The following NUP43 variants were observed in gnomAD, a reference collection of about 807,000 sequenced individuals.
NUP43 encodes the protein nucleoporin Nup43.
A neutral mutation model predicts 47.3 loss-of-function variants in NUP43; 32 were observed. The observed-to-expected ratio is 0.68, with a 90% confidence interval of 0.51 to 0.91. NUP43 has a LOEUF of 0.91. Among genes scored for constraint, NUP43 ranks in the 40% least tolerant of loss-of-function variants. The pLI is 0.00. For missense variants in NUP43, 444 were observed against 453.9 expected, an observed-to-expected ratio of 0.98 and a Z score of 0.20; for synonymous variants, 147 against 158.4, an observed-to-expected ratio of 0.93 and a Z score of 0.54.
At chr6:149,727,296 A>T in intron 7 of NUP43, 98 bp from the exon 8 acceptor site, 1 of 1,465,936 alleles carries the variant, frequency 6.8e-7, no homozygotes, top group South Asian at 1.4e-5. Context: ...GATGATATCA[A>T]TGTGTTTAAT....
At position 149,726,414 on chromosome 6, in the gene NUP43, A is replaced by G. The variant is rs1784790489; in HGVS notation, c.*555T>C. Reference sequence around the variant, plus strand: ...TCTGCCTCAAAAAAAAAAAAAAAAAAAAATTGAACACAGCTACACATCTTT... The same window carrying G: ...TCTGCCTCAAAAAAAAAAAAAAAAAGAAATTGAACACAGCTACACATCTTT... On this transcript the variant is annotated 3_prime_UTR_variant, in exon 8 of 8. Coordinates refer to ENST00000340413, the MANE Select transcript of NUP43 (RefSeq NM_198887.3). 1 of 152,772 alleles carries G rather than the reference A, an allele frequency of 6.5e-6. No individual in the cohort carries two copies. Among genetic ancestry groups the G allele is most frequent in the Non-Finnish European group, 1.5e-5 (1 of 68,564 alleles). The allele number at this position is 152,772 out of a possible 1,614,324, so 9.5% of individuals were successfully genotyped here.
intron 4 of NUP43, among the ~76,000 whole-genome samples, chr6:149,741,532 A>T (rs1785654400): frequency 6.6e-6 from 1 of 151,272 alleles, no homozygotes. Flanking sequence ...TTTTAGATGA[A>T]GTCTCTCTCT....
intron 2 of NUP43, among the ~76,000 whole-genome samples, chr6:149,744,517 G>A (rs540793651): frequency 6.7e-4 from 94 of 140,796 alleles, no homozygotes; most frequent in African/African-American, 2.3e-3. Context: ...AGCAAGACTC[G>A]TCATAAAAAA....
intron 6 of NUP43, among the ~76,000 whole-genome samples, chr6:149,733,991 A>C (rs1785191616): frequency 6.6e-6 from 1 of 150,878 alleles, no homozygotes; most frequent in Admixed American, 6.6e-5. Context: ...CGCCCGGCTA[A>C]TTTTGTATTT....
rs1317069038 is a variant in NUP43, at chr6:149,735,667, A to G, written c.790+804T>C. Among the ~76,000 whole-genome samples the G allele has an allele frequency of 5.3e-5, 8 of 150,578 alleles. No homozygotes were observed. In the East Asian group the frequency reaches 7.7e-4, roughly 15 times the overall value. ...AAGGATTCTAACTACAGTTTTGGAT[A>G]TAAGAATTAAACCTGTGGTTGATGT... On this transcript the variant is annotated intron_variant, in intron 6 of 7. Coordinates refer to ENST00000340413, the MANE Select transcript of NUP43 (RefSeq NM_198887.3).
At chr6:149,735,991 A>AC (rs1562378237) in intron 6 of NUP43, among the ~76,000 whole-genome samples, 1 of 150,554 alleles carries the variant, frequency 6.6e-6, no homozygotes, top group African/African-American at 2.4e-5. Flanking sequence ...AAAAAAAAAA[A>AC]AAAAAACCAG....
intron 5 of NUP43, among the ~76,000 whole-genome samples, chr6:149,737,651 G>A (rs1785434534): frequency 6.6e-6 from 1 of 151,832 alleles, no homozygotes. Context: ...ACAGAGTTTT[G>A]TTCTTGTTGC....
Position 149,736,569 on chromosome 6 carries a change from T to C in NUP43, c.692A>G (p.His231Arg), listed in dbSNP as rs1326177954. ...ATCTTGGCCACCAGTAGCTACAACA[T>C]GCTGTTGGTTGGGATGTCTATCAAC... ...HCVDRHPNQQ[H>R]VVATGGQDGM... The change falls in exon 6 of 8, where the codon CAT becomes CGT. Residue 231 changes from histidine (H) to arginine (R), a missense_variant. Physicochemically the swap from His to Arg is conservative, Grantham distance 29. Transcript: ENST00000340413. The C allele has an allele frequency of 6.2e-7, 1 of 1,610,256 alleles. No individual in the cohort carries two copies. Among genetic ancestry groups the C allele is most frequent in the African/African-American group, 1.3e-5 (1 of 74,902 alleles).
Position 149,736,597 on chromosome 6 carries a change from A to G in NUP43, c.664T>C (p.Cys222Arg). ...TGTTGGTTGGGATGTCTATCAACAC[A>G]GTGGAGTGGCACTCGGTCACCAGTC... ...SLTGDRVPLH[C>R]VDRHPNQQHV... Residue 222 changes from cysteine to arginine, a missense_variant, in exon 6 of 8, where the codon TGT (cysteine) becomes CGT (arginine). Coordinates refer to ENST00000340413, the MANE Select transcript of NUP43 (RefSeq NM_198887.3). 1 of 1,594,556 alleles carries G rather than the reference A, an allele frequency of 6.3e-7. No homozygotes were observed.
Position 149,745,997 on chromosome 6 carries a change from T to G in NUP43, c.186A>C (p.Glu62Asp), listed in dbSNP as rs1220696835. The G allele has an allele frequency of 6.2e-7, 1 of 1,613,570 alleles. No homozygotes were observed. The highest frequency in any genetic ancestry group is 8.5e-7 in the Non-Finnish European group (1 of 1,179,548). ...FGNLDSDGGF[E>D]GDHQLLCDIR... Reference sequence around the variant, plus strand: ...TATCACACAATAACTGATGGTCTCCTTCAAACCCTCCATCAGAGTCCAAGT... The same window carrying G: ...TATCACACAATAACTGATGGTCTCCGTCAAACCCTCCATCAGAGTCCAAGT... Residue 62 changes from glutamate to aspartate, a missense_variant, in exon 2 of 8, where the codon GAA becomes GAC. Transcript: ENST00000340413.
chr6:149,730,809 G>C (rs1784997439), intron 7 of NUP43, among the ~76,000 whole-genome samples: 1 of 151,916 alleles, frequency 6.6e-6, no homozygotes, highest in South Asian at 2.1e-4. Context: ...GTGGTTGCAA[G>C]CATCTCTGGT....
chr6:149,742,400 T>G lies in NUP43; in HGVS notation c.492A>C (p.Val164=). ...NLFRADHKEA[V]RTIDNADSST... is the part of the protein sequence containing the mutation. ...TGGGATTTTTCTTACCTATGGTTCTTACAGCTTCCTTGTGATCAGCTCTGA... is the reference window on the plus strand; with the variant it reads ...TGGGATTTTTCTTACCTATGGTTCTGACAGCTTCCTTGTGATCAGCTCTGA... Residue 164 remains valine (V), a synonymous_variant, in exon 4 of 8, where the codon GTA becomes GTC. Coordinates refer to ENST00000340413, the MANE Select transcript of NUP43 (RefSeq NM_198887.3). 6.2e-7 allele frequency: 1 copy of G among 1,614,076 alleles called. No homozygotes were observed. The highest frequency in any genetic ancestry group is 1.7e-5 in the Admixed American group (1 of 60,020).
intron 7 of NUP43, 77 bp downstream of exon 7, chr6:149,731,536 C>CT (rs1785039458): frequency 7.4e-7 from 1 of 1,349,016 alleles, no homozygotes; most frequent in East Asian, 2.5e-5. Flanking sequence ...GCATTCCAGC[C>CT]TGGGTGATAG....
chr6:149,744,818 A>G (rs116644854), intron 2 of NUP43, among the ~76,000 whole-genome samples: 113 of 151,940 alleles, frequency 7.4e-4, no homozygotes, highest in African/African-American at 2.5e-3. Context: ...CTCGGGTGAC[A>G]GTATAAGACT....
At chr6:149,734,797 CAAA>C (rs529323368) in intron 6 of NUP43, among the ~76,000 whole-genome samples, 3 of 85,404 alleles carry the variant, frequency 3.5e-5, no homozygotes. Flanking sequence ...GACTCTGTCT[CAAA>C]AAAAAAAAAA....
At chr6:149,730,776 TAA>T (rs1238040244) in intron 7 of NUP43, among the ~76,000 whole-genome samples, 1 of 143,100 alleles carries the variant, frequency 7.0e-6, no homozygotes, top group African/African-American at 2.6e-5. Context: ...ACAAAAAAAT[TAA>T]AAAAAAAAAA....
chr6:149,746,282 A>C, intron 1 of NUP43, 94 bp downstream of exon 1: 1 of 1,539,912 alleles, frequency 6.5e-7, no homozygotes. Context: ...GTGCGAGAAG[A>C]ACCAGAAGGT....
At position 149,742,555 on chromosome 6, in the gene NUP43, G is replaced by T; in HGVS notation, c.337C>A (p.Gln113Lys). 6.2e-7 allele frequency: 1 copy of T among 1,613,474 alleles called. No individual in the cohort carries two copies. The highest frequency in any genetic ancestry group is 1.1e-5 in the South Asian group (1 of 91,064). The stretch of plus-strand genomic sequence containing the variant: ...TGGTAGTGAGCTGTAGTCCACTGCT[G>T]GTTGACTGACAGAGTCTAGGCATCA... ...HPNNQTLSVN[Q>K]QWTTAHYHTG... is the part of the protein sequence containing the mutation. The change falls in exon 4 of 8, where the codon CAG (glutamine) becomes AAG (lysine). Residue 113 changes from glutamine to lysine, a missense_variant. Transcript: ENST00000340413.
chr6:149,745,678 A>C (rs1785950264), intron 2 of NUP43, among the ~76,000 whole-genome samples: 1 of 152,222 alleles, frequency 6.6e-6, no homozygotes, highest in Admixed American at 6.5e-5. Context: ...AACAATAATT[A>C]ATTTTTGTAA....
Sources: allele counts gnomAD v4.1 joint callset (sites outside exome capture counted in the v4.1 genomes callset), GRCh38; gene constraint gnomAD v4.1.1; transcripts MANE v1.5; gene names NCBI Gene and HGNC (gene_info 2026-07-23, HGNC 2026-07-21).